TAFA1: variants seen among roughly 807,000 people sequenced by gnomAD.
The protein encoded by TAFA1 is TAFA chemokine like family member 1.
Under a neutral mutation model 18.5 loss-of-function variants are expected in TAFA1, and 4 were observed. The ratio of observed to expected loss-of-function variants is 0.22; its 90% CI spans 0.11 to 0.49. The LOEUF is 0.49. Ranked by LOEUF, TAFA1 falls within the 20% of genes least tolerant of loss-of-function variation. The pLI is 0.98. For synonymous variants in TAFA1, 56 were observed against 55.2 expected, an observed-to-expected ratio of 1.01 and a Z score of -0.06; for missense variants, 147 against 169.0, an observed-to-expected ratio of 0.87 and a Z score of 0.72.
At chr3:68,360,668 G>A (rs1373913567) in intron 2 of TAFA1, among the ~76,000 whole-genome samples, 1 of 151,916 alleles carries the variant, frequency 6.6e-6, no homozygotes, top group Non-Finnish European at 1.5e-5. Flanking sequence ...GTACATGTAA[G>A]TATGACACAT....
At chr3:68,100,039 T>A (rs1479930588) in intron 2 of TAFA1, among the ~76,000 whole-genome samples, 1 of 152,144 alleles carries the variant, frequency 6.6e-6, no homozygotes. Flanking sequence ...AAAATCTCCC[T>A]ATTGAGTAAT....
intron 3 of TAFA1, among the ~76,000 whole-genome samples, chr3:68,538,069 G>A (rs1368107312): frequency 2.6e-5 from 4 of 152,116 alleles, no homozygotes; most frequent in African/African-American, 9.7e-5. Flanking sequence ...CAGTTCTCAT[G>A]TGCTAAGTCA....
At chr3:68,078,544 C>A (rs1415138807) in intron 2 of TAFA1, among the ~76,000 whole-genome samples, 7 of 152,084 alleles carry the variant, frequency 4.6e-5, no homozygotes, top group African/African-American at 1.7e-4. Context: ...TTGTCAGAGG[C>A]CTTTTCTGCA....
chr3:68,136,627 A>T (rs1198648121), intron 2 of TAFA1, among the ~76,000 whole-genome samples: 1 of 152,130 alleles, frequency 6.6e-6, no homozygotes, highest in East Asian at 1.9e-4. Flanking sequence ...AAATGAACAC[A>T]TTGGGAAGGA....
chr3:68,183,962 C>A (rs867952652), intron 2 of TAFA1, among the ~76,000 whole-genome samples: 1 of 152,110 alleles, frequency 6.6e-6, no homozygotes, highest in South Asian at 2.1e-4. Flanking sequence ...TAATGCAAAG[C>A]TAATATATTC....
chr3:68,167,866 A>G (rs2066003645), intron 2 of TAFA1, among the ~76,000 whole-genome samples: 1 of 152,102 alleles, frequency 6.6e-6, no homozygotes, highest in East Asian at 1.9e-4. Flanking sequence ...CAACAGAGAC[A>G]TTGTCCCCCT....
At chr3:68,215,173 A>C (rs1395423641) in intron 2 of TAFA1, among the ~76,000 whole-genome samples, 1 of 152,098 alleles carries the variant, frequency 6.6e-6, no homozygotes, top group Non-Finnish European at 1.5e-5. Context: ...TAATAAGAAC[A>C]ATAATAATAA....
chr3:68,093,072 C>T (rs2065046739), intron 2 of TAFA1, among the ~76,000 whole-genome samples: 1 of 152,054 alleles, frequency 6.6e-6, no homozygotes, highest in African/African-American at 2.4e-5. Flanking sequence ...GAAAGTCTTC[C>T]CTGTCCTTCC....
chr3:68,385,701 G>T (rs1415543105), intron 2 of TAFA1, among the ~76,000 whole-genome samples: 1 of 151,926 alleles, frequency 6.6e-6, no homozygotes, highest in Non-Finnish European at 1.5e-5. Context: ...ACTATAGCCT[G>T]TAGGCCAAAC....
At chr3:68,394,606 A>T (rs1002815690) in intron 2 of TAFA1, among the ~76,000 whole-genome samples, 1 of 152,162 alleles carries the variant, frequency 6.6e-6, no homozygotes, top group African/African-American at 2.4e-5. Context: ...CAAAACAGAT[A>T]TATAGACCAG....
chr3:68,064,559 T>C (rs1252048774), intron 2 of TAFA1, among the ~76,000 whole-genome samples: 1 of 152,224 alleles, frequency 6.6e-6, no homozygotes, highest in Non-Finnish European at 1.5e-5. Context: ...ATGCTTAACA[T>C]AAATTATGAC....
chr3:68,213,136 C>G (rs891823544), intron 2 of TAFA1, among the ~76,000 whole-genome samples: 1 of 151,664 alleles, frequency 6.6e-6, no homozygotes, highest in Non-Finnish European at 1.5e-5. Context: ...ATGATATAAT[C>G]GGTTATAACA....
At chr3:68,068,650 T>C (rs2064713772) in intron 2 of TAFA1, among the ~76,000 whole-genome samples, 1 of 152,218 alleles carries the variant, frequency 6.6e-6, no homozygotes, top group Non-Finnish European at 1.5e-5. Flanking sequence ...ACAAACTTCT[T>C]ATTTCCTTCA....
intron 2 of TAFA1, among the ~76,000 whole-genome samples, chr3:68,386,805 T>C (rs1400046224): frequency 6.6e-6 from 1 of 152,154 alleles, no homozygotes; most frequent in Non-Finnish European, 1.5e-5. Flanking sequence ...CAGAAGCTTA[T>C]TTTGTTTGAG....
At chr3:68,278,472 G>T (rs1172560395) in intron 2 of TAFA1, among the ~76,000 whole-genome samples, 1 of 152,194 alleles carries the variant, frequency 6.6e-6, no homozygotes, top group East Asian at 1.9e-4. Context: ...AGGGAGGCAG[G>T]TTGTTGTTCA....
intron 2 of TAFA1, among the ~76,000 whole-genome samples, chr3:68,192,783 G>T (rs1333127418): frequency 6.6e-6 from 1 of 151,722 alleles, no homozygotes; most frequent in Admixed American, 6.6e-5. Flanking sequence ...ATATAGCAAG[G>T]GGTGTTATCT....
chr3:68,240,943 C>T (rs1049183770), intron 2 of TAFA1, among the ~76,000 whole-genome samples: 1 of 152,132 alleles, frequency 6.6e-6, no homozygotes, highest in Non-Finnish European at 1.5e-5. Context: ...GTTTTGACCA[C>T]ACTTATTTCT....
At chr3:68,170,388 T>A (rs1259718618) in intron 2 of TAFA1, among the ~76,000 whole-genome samples, 1 of 152,212 alleles carries the variant, frequency 6.6e-6, no homozygotes, top group Non-Finnish European at 1.5e-5. Flanking sequence ...CAAACAGCCC[T>A]ATCCCCAGGG....
At chr3:68,520,220 C>T (rs1024998257) in intron 3 of TAFA1, among the ~76,000 whole-genome samples, 1 of 152,184 alleles carries the variant, frequency 6.6e-6, no homozygotes, top group Non-Finnish European at 1.5e-5. Context: ...GACCTGTCTT[C>T]TCCACAAATT....
Sources: allele counts gnomAD v4.1 joint callset (sites outside exome capture counted in the v4.1 genomes callset), GRCh38; gene constraint gnomAD v4.1.1; transcripts MANE v1.5; gene names NCBI Gene and HGNC (gene_info 2026-07-23, HGNC 2026-07-21).